DHX32: variants seen among roughly 807,000 people sequenced by gnomAD.
DHX32 encodes putative pre-mRNA-splicing factor ATP-dependent RNA helicase DHX32.
In DHX32, 51 loss-of-function variants were observed where a neutral mutation model predicts 70.0. The observed-to-expected ratio is 0.73, with a 90% CI of 0.58 to 0.92. DHX32 has a LOEUF of 0.92. Among genes scored for constraint, DHX32 ranks in the 40% least tolerant of loss-of-function variants. DHX32 has a pLI of 0.00. For synonymous variants in DHX32, 310 were observed against 315.3 expected (o/e 0.98, Z 0.18); for missense variants, 762 against 891.8 (o/e 0.85, Z 1.85).
Position 125,890,238 on chromosome 10 carries a change from A to G in DHX32, c.-248+5980T>C, listed in dbSNP as rs554516402. 2.0e-5 allele frequency among the ~76,000 whole-genome samples: 3 copies of G among 152,414 alleles called. No individual in the cohort carries two copies. The East Asian group carries it at 5.8e-4, about 29-fold the overall frequency. ...GATTTGAAAAACATATTTCTAACAC[A>G]AAGTTACAGTCAAATATTTAATACA... On this transcript the variant is annotated intron_variant, in intron 1 of 2. Coordinates refer to the DHX32 transcript ENST00000415732.
chr10:125,857,267 GGGT>G (rs567459986), intron 3 of DHX32, among the ~76,000 whole-genome samples: 30 of 152,196 alleles, frequency 2.0e-4, no homozygotes, highest in Non-Finnish European at 2.6e-4. Context: ...GCAGTAGATG[GGGT>G]AAGGAAAACC....
At chr10:125,883,543 C>T (rs1944329485), upstream of DHX32, among the ~76,000 whole-genome samples, 1 of 152,102 alleles carries the variant, frequency 6.6e-6, no homozygotes. Flanking sequence ...TGTGAACAAG[C>T]TGCCTAAGAT....
At chr10:125,877,504 T>C (rs1012523635) in intron 1 of DHX32, among the ~76,000 whole-genome samples, 1 of 151,984 alleles carries the variant, frequency 6.6e-6, no homozygotes. Flanking sequence ...CTGGCCAAAA[T>C]TGTGAAACCC....
At chr10:125,854,303 C>T in intron 3 of DHX32, 100 bp from the exon 4 acceptor site, 1 of 1,224,754 alleles carries the variant, frequency 8.2e-7, no homozygotes, top group Non-Finnish European at 1.1e-6. Context: ...TACTACGTAA[C>T]AGATACAGGG....
At chr10:125,858,147 C>T (rs957069111) in intron 3 of DHX32, among the ~76,000 whole-genome samples, 16 of 152,034 alleles carry the variant, frequency 1.1e-4, no homozygotes, top group African/African-American at 1.9e-4. Context: ...GTGATCCTCC[C>T]GCCTCAGCCT....
In DHX32 at chr10:125,873,252, C is replaced by T. The variant is rs567153662; in HGVS notation, c.283-6069G>A. Reference sequence around the variant, plus strand: ...CATCTACTGCCAGTGATTGTTTCACCTCATCTAATGGATAATAAAGTTAGT... The same window carrying T: ...CATCTACTGCCAGTGATTGTTTCACTTCATCTAATGGATAATAAAGTTAGT... On this transcript the variant is annotated intron_variant, in intron 1 of 10. Transcript: ENST00000284690. Among the ~76,000 whole-genome samples, 9 of 151,976 alleles carry T rather than the reference C, an allele frequency of 5.9e-5. 1 individual carries two copies. Among genetic ancestry groups the T allele is most frequent in the African/African-American group, 1.4e-4 (6 of 41,488 alleles).
At position 125,867,114 on chromosome 10, in the gene DHX32, C is replaced by T; in HGVS notation, c.352G>A (p.Val118Ile). The change falls in exon 2 of 11, where the codon GTC (valine) becomes ATC (isoleucine). Residue 118 changes from valine (V) to isoleucine (I), a missense_variant. Val to Ile is a conservative substitution (Grantham distance 29). Around this residue, in one of 3 missense-constraint regions of DHX32, gnomAD observed 394 missense variants for 473.1 expected, o/e 0.83. Transcript: ENST00000284690. The part of the protein sequence containing the change: ...YQHGGVICTQ[V>I]HKQTVVQLAL... ...AGCTGGACCACAGTCTGCTTGTGGA[C>T]CTGTGTGCATATCACGCCCCCGTGC... 6.2e-7 allele frequency: 1 copy of T among 1,614,180 alleles called. No individual in the cohort carries two copies. The highest frequency in any genetic ancestry group is 8.5e-7 in the Non-Finnish European group (1 of 1,180,036).
At chr10:125,862,376 A>C (rs1225129046) in intron 2 of DHX32, among the ~76,000 whole-genome samples, 6 of 152,162 alleles carry the variant, frequency 3.9e-5, no homozygotes, top group African/African-American at 1.4e-4. Context: ...AGCATCTTGA[A>C]TACTATAGTA....
chr10:125,843,123 G>T (rs1854926459), intron 6 of DHX32, among the ~76,000 whole-genome samples: 1 of 152,040 alleles, frequency 6.6e-6, no homozygotes, highest in Non-Finnish European at 1.5e-5. Flanking sequence ...ATAGAAAGCT[G>T]CTGTATTGTT....
At position 125,837,908 on chromosome 10, in the gene DHX32, A is replaced by G. The variant is rs572452450; in HGVS notation, c.2063+298T>C. Reference sequence around the variant, plus strand: ...TGGCTCTTGAAAGATGGCTAAGCTCATTCCTCTCAAGGTCAATGCACCTGT... The same window carrying G: ...TGGCTCTTGAAAGATGGCTAAGCTCGTTCCTCTCAAGGTCAATGCACCTGT... On this transcript the variant is annotated intron_variant, in intron 10 of 10. Coordinates refer to ENST00000284690, the MANE Select transcript of DHX32 (RefSeq NM_018180.3). Among the ~76,000 whole-genome samples, 26 of 152,182 alleles carry G rather than the reference A, an allele frequency of 1.7e-4. 1 individual carries two copies. In the South Asian group the frequency reaches 5.2e-3, roughly 30 times the overall value.
intron 6 of DHX32, among the ~76,000 whole-genome samples, chr10:125,847,148 C>G (rs1219601782): frequency 6.6e-6 from 1 of 152,104 alleles, no homozygotes; most frequent in Non-Finnish European, 1.5e-5. Flanking sequence ...TAGAAAACAC[C>G]CATTGTATGG....
intron 3 of DHX32, among the ~76,000 whole-genome samples, chr10:125,859,115 C>T (rs1002459195): frequency 1.4e-4 from 21 of 147,664 alleles, no homozygotes; most frequent in African/African-American, 5.1e-4. Context: ...TTCGGGTGGG[C>T]TATATTTTCT....
At chr10:125,842,888 A>G (rs1416613730) in intron 6 of DHX32, 1 of 594,080 alleles carries the variant, frequency 1.7e-6, no homozygotes, top group African/African-American at 2.0e-5. Flanking sequence ...TCTTTACCAA[A>G]GTTTTTAAAA....
intron 3 of DHX32, chr10:125,854,945 G>T (rs1225391845): frequency 6.6e-6 from 1 of 152,198 alleles, no homozygotes; most frequent in Admixed American, 6.5e-5. Context: ...TAAAAGGAAG[G>T]CCAGGAGTGG....
At chr10:125,838,624 C>T (rs927449373) in intron 9 of DHX32, among the ~76,000 whole-genome samples, 4 of 152,122 alleles carry the variant, frequency 2.6e-5, no homozygotes, top group South Asian at 2.1e-4. Context: ...TAAAACAGTG[C>T]AGCTGTGAGG....
chr10:125,880,129 A>G (rs1159995194), intron 1 of DHX32, among the ~76,000 whole-genome samples: 2 of 152,252 alleles, frequency 1.3e-5, no homozygotes, highest in African/African-American at 4.8e-5. Context: ...CAGCTTCACC[A>G]GCAAGCACAT....
upstream of DHX32, among the ~76,000 whole-genome samples, chr10:125,882,725 A>G (rs1234770091): frequency 6.6e-6 from 1 of 152,230 alleles, no homozygotes; most frequent in Non-Finnish European, 1.5e-5. Flanking sequence ...ATATGGATTC[A>G]CTTCAGAACT....
rs747732972 is a variant in DHX32, at chr10:125,838,239, T to G, written c.2030A>C (p.Tyr677Ser). ...FHKFSISENNYIRITSEISPE... is the reference protein window; with the variant it reads ...FHKFSISENNSIRITSEISPE... ...AGAGATTTCTGAGGTAATCCTGATG[T>G]AGTTGTTCTCAGAAATGCTGAATTT... Residue 677 changes from tyrosine to serine, a missense_variant, in exon 10 of 11, where the codon TAC becomes TCC. Transcript: ENST00000284690. 1 of 1,611,852 alleles carries G rather than the reference T, an allele frequency of 6.2e-7. No homozygotes were observed. The highest frequency in any genetic ancestry group is 8.5e-7 in the Non-Finnish European group (1 of 1,179,532).
At chr10:125,861,917 C>T (rs534681494) in intron 2 of DHX32, among the ~76,000 whole-genome samples, 16 of 151,324 alleles carry the variant, frequency 1.1e-4, no homozygotes, top group Middle Eastern at 3.4e-3. Context: ...CTCAATTAAC[C>T]TCTTTCAAGG....
Sources: allele counts gnomAD v4.1 joint callset (sites outside exome capture counted in the v4.1 genomes callset), GRCh38; gene constraint gnomAD v4.1.1; regional missense constraint gnomAD v4.1.1; transcripts MANE v1.5; gene names NCBI Gene and HGNC (gene_info 2026-07-23, HGNC 2026-07-21).